RABGEF1: variants seen among roughly 807,000 people sequenced by gnomAD.
The protein encoded by RABGEF1 is rab5 GDP/GTP exchange factor.
RABGEF1 carries 26 observed loss-of-function variants against 57.3 expected under a neutral mutation model. The observed-to-expected ratio is 0.45, with a 90% CI of 0.33 to 0.63. The LOEUF (loss-of-function observed/expected upper bound fraction) is 0.63, where lower values mean the gene tolerates loss of function less well. Among genes scored for constraint, RABGEF1 ranks in the 20% least tolerant of loss-of-function variants. The pLI is 0.02. For synonymous variants in RABGEF1, 185 were observed against 210.7 expected (o/e 0.88, Z 1.06); for missense variants, 464 against 607.6 (o/e 0.76, Z 2.48).
chr7:66,677,474 A>C (rs542156977), upstream of RABGEF1, among the ~76,000 whole-genome samples: 1 of 152,274 alleles, frequency 6.6e-6, no homozygotes, highest in South Asian at 2.1e-4. Flanking sequence ...GTTTATAGAA[A>C]TCTACAGGCT....
chr7:66,732,767 C>A (rs1009007472), intron 2 of RABGEF1, among the ~76,000 whole-genome samples: 1 of 152,106 alleles, frequency 6.6e-6, no homozygotes, highest in African/African-American at 2.4e-5. Context: ...TGCTGTCTCT[C>A]TTTCTCACTC....
intron 4 of RABGEF1, among the ~76,000 whole-genome samples, chr7:66,792,692 A>C (rs752948223): frequency 7.2e-5 from 11 of 152,208 alleles, no homozygotes; most frequent in Non-Finnish European, 1.6e-4. Context: ...TTGCTCACAG[A>C]TAGGTAGAAA....
intron 8 of RABGEF1, among the ~76,000 whole-genome samples, chr7:66,806,646 T>C (rs1378369729): frequency 3.4e-5 from 5 of 145,512 alleles, no homozygotes; most frequent in African/African-American, 1.3e-4. Context: ...TATCCTTTTT[T>C]TTTTTTTTTT....
At chr7:66,769,925 C>T (rs1462813939) in intron 1 of RABGEF1, among the ~76,000 whole-genome samples, 1 of 152,168 alleles carries the variant, frequency 6.6e-6, no homozygotes, top group East Asian at 1.9e-4. Flanking sequence ...CCTTCCTGTC[C>T]AGAATGCCCT....
chr7:66,663,290 G>T, the RABGEF1 span, among the ~76,000 whole-genome samples: 2 of 152,178 alleles, frequency 1.3e-5, no homozygotes, highest in African/African-American at 4.8e-5. Flanking sequence ...TCTCAGCTCT[G>T]AAGGCTGTGA....
chr7:66,691,844 A>G (rs1159516047), intron 1 of RABGEF1, among the ~76,000 whole-genome samples: 6 of 152,108 alleles, frequency 3.9e-5, no homozygotes, highest in African/African-American at 1.4e-4. Context: ...ACTTGAGCCC[A>G]GGAGATCAAG....
chr7:66,786,871 G>A (rs1315231046), intron 4 of RABGEF1, among the ~76,000 whole-genome samples: 1 of 152,186 alleles, frequency 6.6e-6, no homozygotes, highest in East Asian at 1.9e-4. Flanking sequence ...GAGACGGGCA[G>A]CTATGTCATT....
intron 2 of RABGEF1, among the ~76,000 whole-genome samples, chr7:66,730,557 CTTTT>C (rs888301191): frequency 1.5e-4 from 20 of 130,808 alleles, no homozygotes; most frequent in Admixed American, 1.6e-4. Context: ...GTTTCTTTTT[CTTTT>C]TTTTTTTTTT....
At chr7:66,705,918 C>G in intron 1 of RABGEF1, among the ~76,000 whole-genome samples, 1 of 105,082 alleles carries the variant, frequency 9.5e-6, no homozygotes, top group African/African-American at 3.8e-5. Context: ...TTTTTTGAGA[C>G]GGAGTCTCGC....
intron 5 of RABGEF1, among the ~76,000 whole-genome samples, chr7:66,795,996 G>C (rs541721095): frequency 6.6e-6 from 1 of 152,124 alleles, no homozygotes. Context: ...AAAAGTAGCC[G>C]GGTGTTGTGG....
intron 4 of RABGEF1, among the ~76,000 whole-genome samples, chr7:66,784,406 A>G (rs551165406): frequency 4.6e-5 from 7 of 152,344 alleles, no homozygotes; most frequent in South Asian, 2.1e-4. Flanking sequence ...GATTTTGCCA[A>G]TGTCAACCAG....
At chr7:66,738,734 A>AG (rs936161131), upstream of RABGEF1, among the ~76,000 whole-genome samples, 1 of 150,506 alleles carries the variant, frequency 6.6e-6, no homozygotes, top group African/African-American at 2.4e-5. Flanking sequence ...TCTAACTCAA[A>AG]AAAAAAAAAA....
At chr7:66,725,424 G>T (rs962616201) in intron 2 of RABGEF1, among the ~76,000 whole-genome samples, 2 of 152,084 alleles carry the variant, frequency 1.3e-5, no homozygotes, top group Admixed American at 6.6e-5. Flanking sequence ...TTATAGATTT[G>T]TCTATTCATA....
chr7:66,692,309 T>C (rs1283562467), intron 1 of RABGEF1, among the ~76,000 whole-genome samples: 2 of 152,168 alleles, frequency 1.3e-5, no homozygotes, highest in African/African-American at 4.8e-5. Context: ...TGGCTTTTTT[T>C]CCTTTCCCTG....
intron 4 of RABGEF1, among the ~76,000 whole-genome samples, chr7:66,790,564 C>T (rs776334061): frequency 1.1e-4 from 16 of 152,156 alleles, no homozygotes; most frequent in Non-Finnish European, 2.1e-4. Flanking sequence ...AGCCCCTTAG[C>T]GCCGCCCTTG....
chr7:66,695,174 C>T (rs1218728302), intron 1 of RABGEF1, among the ~76,000 whole-genome samples: 3 of 152,054 alleles, frequency 2.0e-5, no homozygotes, highest in Admixed American at 1.3e-4. Flanking sequence ...AAGCCGGGCA[C>T]GGTGGCGTGC....
chr7:66,804,293 A>G lies in RABGEF1; in HGVS notation c.821-847A>G, dbSNP rs552653096. On this transcript the variant is annotated intron_variant, in intron 7 of 8. Coordinates refer to ENST00000284957, the MANE Select transcript of RABGEF1 (RefSeq NM_014504.3). ...TCAATACAAAGATGCTTTGTGTAGT[A>G]GCCACATTTCTAAAAAGCAGTATGC... 9.2e-5 allele frequency among the ~76,000 whole-genome samples: 14 copies of G among 152,320 alleles called. No individual in the cohort carries two copies. In the East Asian group the frequency reaches 2.5e-3, roughly 27 times the overall value.
chr7:66,791,978 G>A (rs544876573), intron 4 of RABGEF1, among the ~76,000 whole-genome samples: 138 of 152,152 alleles, frequency 9.1e-4, no homozygotes, highest in Non-Finnish European at 1.6e-3. Context: ...TGGGCGTGGT[G>A]GCACATGCCT....
intron 1 of RABGEF1, among the ~76,000 whole-genome samples, chr7:66,707,593 C>CA (rs1191337229): frequency 6.6e-6 from 1 of 152,090 alleles, no homozygotes; most frequent in Non-Finnish European, 1.5e-5. Flanking sequence ...GAGGCTGAGG[C>CA]AGGAAAATTG....
Sources: allele counts gnomAD v4.1 joint callset (sites outside exome capture counted in the v4.1 genomes callset), GRCh38; gene constraint gnomAD v4.1.1; transcripts MANE v1.5; gene names NCBI Gene and HGNC (gene_info 2026-07-23, HGNC 2026-07-21).